The following CLMP variants were observed in gnomAD, a reference collection of about 807,000 sequenced individuals.
CLMP encodes CXADR-like membrane protein.
In CLMP, 27 loss-of-function variants were observed where a neutral mutation model predicts 45.2. The ratio of observed to expected loss-of-function variants is 0.60; its 90% CI spans 0.44 to 0.82. The LOEUF (loss-of-function observed/expected upper bound fraction) is 0.82. CLMP is among the 40% of genes least tolerant of loss of function. The probability of loss-of-function intolerance (pLI) is 0.00; values close to 1 mark genes in which losing one functional copy is unlikely to be tolerated. For synonymous variants in CLMP, 167 were observed against 171.4 expected, an observed-to-expected ratio of 0.97 and a Z score of 0.20; for missense variants, 403 against 448.4, an observed-to-expected ratio of 0.90 and a Z score of 0.91.
intron 1 of CLMP, among the ~76,000 whole-genome samples, chr11:123,113,905 C>T (rs550952716): frequency 7.7e-6 from 1 of 130,062 alleles, no homozygotes; most frequent in African/African-American, 3.2e-5. Context: ...TTTACACATG[C>T]AGAAACACAC....
chr11:123,110,593 T>A (rs1316737648), intron 1 of CLMP, among the ~76,000 whole-genome samples: 1 of 152,012 alleles, frequency 6.6e-6, no homozygotes, highest in Non-Finnish European at 1.5e-5. Context: ...CACTCCAGCC[T>A]GAGCAACAGA....
At chr11:123,097,420 C>A (rs1378772635) in intron 2 of CLMP, among the ~76,000 whole-genome samples, 1 of 152,136 alleles carries the variant, frequency 6.6e-6, no homozygotes, top group African/African-American at 2.4e-5. Flanking sequence ...TCACTGCAAC[C>A]TCCACCTCTG....
chr11:123,130,146 A>G (rs1454877628), intron 1 of CLMP, among the ~76,000 whole-genome samples: 1 of 152,180 alleles, frequency 6.6e-6, no homozygotes, highest in East Asian at 1.9e-4. Flanking sequence ...TCAAGGGAAA[A>G]GGAGGTAAAG....
chr11:123,084,453 A>G (rs983295989), intron 3 of CLMP, 59 bp downstream of exon 3: 7 of 1,390,714 alleles, frequency 5.0e-6, no homozygotes, highest in East Asian at 4.6e-5. Flanking sequence ...GCATATGGCT[A>G]TCCCTCTTAG....
intron 1 of CLMP, among the ~76,000 whole-genome samples, chr11:123,167,493 A>G (rs906232098): frequency 3.0e-4 from 45 of 152,068 alleles, no homozygotes; most frequent in African/African-American, 1.0e-3. Flanking sequence ...CACTGTGTTA[A>G]CCAGGATGGT....
chr11:123,077,328 T>TA (rs1389393247), intron 5 of CLMP, among the ~76,000 whole-genome samples: 1 of 151,406 alleles, frequency 6.6e-6, no homozygotes, highest in African/African-American at 2.4e-5. Flanking sequence ...AACAAAATGA[T>TA]ACAATTATTT....
chr11:123,074,413 C>T (rs1292597520), intron 6 of CLMP, among the ~76,000 whole-genome samples: 3 of 152,012 alleles, frequency 2.0e-5, no homozygotes, highest in Non-Finnish European at 4.4e-5. Context: ...AACTCCTGGC[C>T]TCAAGTAATC....
intron 1 of CLMP, among the ~76,000 whole-genome samples, chr11:123,168,389 G>A (rs1467000195): frequency 6.6e-6 from 1 of 152,166 alleles, no homozygotes. Flanking sequence ...GGATTCCACT[G>A]TCTTCTTTTT....
intron 4 of CLMP, 90 bp from the exon 5 acceptor site, chr11:123,083,297 C>A: frequency 8.4e-7 from 1 of 1,197,040 alleles, no homozygotes; most frequent in Admixed American, 2.1e-5. Context: ...GCTGAGATTC[C>A]GTAATGCTAT....
chr11:123,165,453 T>C (rs531417165), intron 1 of CLMP, among the ~76,000 whole-genome samples: 1 of 152,306 alleles, frequency 6.6e-6, no homozygotes, highest in Admixed American at 6.5e-5. Flanking sequence ...CCGCATAATA[T>C]TAATACTCTA....
intron 1 of CLMP, chr11:123,191,391 C>T (rs1861905408): frequency 1.3e-5 from 2 of 152,210 alleles, no homozygotes; most frequent in Non-Finnish European, 2.9e-5. Context: ...TGGAATCCTA[C>T]TGAGACCTGT....
At chr11:123,093,959 T>A (rs972688391) in intron 2 of CLMP, among the ~76,000 whole-genome samples, 3 of 152,146 alleles carry the variant, frequency 2.0e-5, no homozygotes, top group African/African-American at 7.2e-5. Flanking sequence ...CAGATCTCTC[T>A]TGATGTTTTA....
intron 1 of CLMP, among the ~76,000 whole-genome samples, chr11:123,117,324 G>C (rs1174159430): frequency 1.3e-5 from 2 of 151,882 alleles, no homozygotes; most frequent in Non-Finnish European, 2.9e-5. Flanking sequence ...ACTTAGAAAG[G>C]CCTATTTGCT....
chr11:123,184,414 C>T (rs1254223191), intron 1 of CLMP, among the ~76,000 whole-genome samples: 1 of 152,170 alleles, frequency 6.6e-6, no homozygotes, highest in Admixed American at 6.5e-5. Flanking sequence ...TTTTTAAAAT[C>T]CCACCAAAAT....
chr11:123,078,713 C>T (rs1276478752), intron 5 of CLMP, among the ~76,000 whole-genome samples: 9 of 148,798 alleles, frequency 6.0e-5, no homozygotes, highest in Admixed American at 2.0e-4. Flanking sequence ...GGCGGGATCT[C>T]GGCTCACTGC....
chr11:123,090,112 TATC>T (rs1865913355), intron 2 of CLMP, among the ~76,000 whole-genome samples: 1 of 151,128 alleles, frequency 6.6e-6, no homozygotes, highest in Non-Finnish European at 1.5e-5. Flanking sequence ...AAAAATTTCT[TATC>T]ATTTAGGATC....
intron 1 of CLMP, among the ~76,000 whole-genome samples, chr11:123,154,975 G>A (rs1032673428): frequency 6.6e-6 from 1 of 152,152 alleles, no homozygotes; most frequent in Non-Finnish European, 1.5e-5. Flanking sequence ...TAGGTGGTTA[G>A]AATAGATGAT....
intron 1 of CLMP, among the ~76,000 whole-genome samples, chr11:123,164,120 C>T (rs536757017): frequency 3.1e-4 from 47 of 151,970 alleles, no homozygotes; most frequent in East Asian, 1.2e-3. Context: ...TTTGCTTCTA[C>T]GAAAATCAAT....
At chr11:123,086,627 T>C (rs1865867986) in intron 2 of CLMP, among the ~76,000 whole-genome samples, 1 of 152,240 alleles carries the variant, frequency 6.6e-6, no homozygotes, top group South Asian at 2.1e-4. Flanking sequence ...ATGGGGTTCC[T>C]AGCACTCAAG....
Sources: gnomAD v4.1 joint callset for allele counts (sites outside exome capture counted in the v4.1 genomes callset) on GRCh38, gnomAD v4.1.1 for gene constraint, MANE v1.5 for transcripts, NCBI Gene and HGNC (gene_info 2026-07-23, HGNC 2026-07-21) for gene names.